JADE3: variants seen among roughly 807,000 people sequenced by gnomAD.
The protein encoded by JADE3 is protein Jade-3.
A neutral mutation model predicts 50.1 loss-of-function variants in JADE3; 2 were observed. The ratio of observed to expected loss-of-function variants is 0.04; its 90% confidence interval spans 0.02 to 0.13. JADE3 has a LOEUF of 0.13. Ranked by LOEUF, JADE3 falls within the 10% of genes least tolerant of loss-of-function variation. The pLI is 1.00. For missense variants in JADE3, 475 were observed against 634.4 expected, an observed-to-expected ratio of 0.75 and a Z score of 2.70; for synonymous variants, 218 against 232.9, an observed-to-expected ratio of 0.94 and a Z score of 0.58.
At chrX:46,966,624 A>T (rs1556349145) in intron 1 of JADE3, among the ~76,000 whole-genome samples, 4 of 112,092 alleles carry the variant, frequency 3.6e-5, no homozygotes. Context: ...GAGGGTTGGG[A>T]AGTATGCACA....
At chrX:46,968,773 A>G (rs1325234255) in intron 1 of JADE3, among the ~76,000 whole-genome samples, 2 of 111,061 alleles carry the variant, frequency 1.8e-5, no homozygotes, top group East Asian at 2.8e-4. Flanking sequence ...CAGAGCTTCA[A>G]AGAACACAAA....
intron 5 of JADE3, among the ~76,000 whole-genome samples, chrX:47,026,564 G>A (rs950062994): frequency 7.2e-5 from 8 of 111,426 alleles, no homozygotes; most frequent in Admixed American, 5.8e-4. Flanking sequence ...ATTTAGGCTT[G>A]TAAGAATTTT....
At chrX:46,913,463 G>T (rs7883705) in intron 1 of JADE3, among the ~76,000 whole-genome samples, 1,134 of 111,709 alleles carry the variant, frequency 0.01, 15 homozygotes, top group African/African-American at 0.035. Context: ...AGTCTTCCGG[G>T]GAAATTTTCC....
intron 3 of JADE3, among the ~76,000 whole-genome samples, chrX:46,996,053 T>C (rs900783635): frequency 3.6e-5 from 4 of 112,515 alleles, no homozygotes; most frequent in Non-Finnish European, 7.5e-5. Flanking sequence ...TCTCTTTTTT[T>C]TGAGGCAGAG....
At chrX:47,034,209 G>A (rs1000958599) in intron 7 of JADE3, among the ~76,000 whole-genome samples, 2 of 110,386 alleles carry the variant, frequency 1.8e-5, no homozygotes, top group Non-Finnish European at 3.8e-5. Flanking sequence ...TATTTTACAC[G>A]TTTGTATCTG....
At chrX:46,969,922 CAAAT>C (rs1262154439) in intron 1 of JADE3, among the ~76,000 whole-genome samples, 16 of 111,712 alleles carry the variant, frequency 1.4e-4, no homozygotes, top group African/African-American at 4.2e-4. Flanking sequence ...TGAAAGGCCT[CAAAT>C]GAATAATCTA....
intron 3 of JADE3, among the ~76,000 whole-genome samples, chrX:46,991,717 A>G (rs1928012013): frequency 1.8e-5 from 2 of 111,311 alleles, no homozygotes; most frequent in African/African-American, 6.6e-5. Flanking sequence ...TATTGCTGTA[A>G]CAGAGACTTC....
intron 3 of JADE3, among the ~76,000 whole-genome samples, chrX:46,995,064 C>G (rs1357890665): frequency 5.9e-5 from 6 of 101,851 alleles, no homozygotes; most frequent in African/African-American, 3.6e-5. Flanking sequence ...GAGTCTTGCT[C>G]TGTCGCCCAG....
intron 1 of JADE3, among the ~76,000 whole-genome samples, chrX:46,970,057 C>T (rs1033322943): frequency 8.9e-6 from 1 of 112,141 alleles, no homozygotes; most frequent in Non-Finnish European, 1.9e-5. Flanking sequence ...AGCAATCCAT[C>T]TAAAAACTGG....
chrX:46,965,453 T>C (rs190765972), intron 1 of JADE3, among the ~76,000 whole-genome samples: 2 of 111,613 alleles, frequency 1.8e-5, no homozygotes, highest in Non-Finnish European at 3.8e-5. Flanking sequence ...TAGGAACTCA[T>C]TCTCGGAGAT....
intron 1 of JADE3, among the ~76,000 whole-genome samples, chrX:46,946,361 G>A (rs1295177087): frequency 9.0e-6 from 1 of 111,400 alleles, no homozygotes; most frequent in Non-Finnish European, 1.9e-5. Context: ...GGGTGGGGGT[G>A]TGTTCTTACG....
Position 46,982,921 on chromosome X carries a change from C to T in JADE3, c.-11-1963C>T, listed in dbSNP as rs782326917. Among the ~76,000 whole-genome samples, 8 of 111,442 alleles carry T rather than the reference C, an allele frequency of 7.2e-5. No individual in the cohort carries two copies. The South Asian group carries it at 3.1e-3, about 43-fold the overall frequency. ...TCAGCTCACTGCAACCTCCACCTCC[C>T]GGGTTCAAGCAGTTCTCCTGACTCA... On this transcript the variant is annotated intron_variant, in intron 1 of 10. Coordinates refer to ENST00000614628, the MANE Select transcript of JADE3 (RefSeq NM_014735.5).
At chrX:47,027,009 A>G (rs1373305785) in intron 5 of JADE3, among the ~76,000 whole-genome samples, 4 of 112,301 alleles carry the variant, frequency 3.6e-5, no homozygotes, top group African/African-American at 1.3e-4. Context: ...ATAAGTAGCC[A>G]CACCTTAAAA....
intron 3 of JADE3, among the ~76,000 whole-genome samples, chrX:46,991,017 G>A (rs1316439989): frequency 1.2e-5 from 1 of 83,661 alleles, no homozygotes; most frequent in Non-Finnish European, 2.2e-5. Context: ...ACATGTATTA[G>A]TTCCTTCCTT....
chrX:47,005,995 C>A (rs1229506579), intron 4 of JADE3, among the ~76,000 whole-genome samples: 3 of 111,404 alleles, frequency 2.7e-5, no homozygotes, highest in Non-Finnish European at 5.7e-5. Context: ...TCTCATAATG[C>A]CCCAAATGTC....
intron 4 of JADE3, among the ~76,000 whole-genome samples, chrX:47,023,384 C>T (rs1004487645): frequency 1.1e-4 from 12 of 111,136 alleles, no homozygotes; most frequent in Admixed American, 1.1e-3. Context: ...TCTGTTCCTG[C>T]GTTAGTTTGC....
At chrX:47,007,707 A>G (rs1226141477) in intron 4 of JADE3, among the ~76,000 whole-genome samples, 1 of 110,728 alleles carries the variant, frequency 9.0e-6, no homozygotes, top group Non-Finnish European at 1.9e-5. Context: ...TTTGGATCAT[A>G]TTTTTAAATC....
At chrX:46,913,353 G>C (rs1460972765) in intron 1 of JADE3, among the ~76,000 whole-genome samples, 1 of 111,170 alleles carries the variant, frequency 9.0e-6, no homozygotes, top group Non-Finnish European at 1.9e-5. Context: ...CCGGCGGGCT[G>C]GCGAACTTTC....
At chrX:46,939,777 C>T (rs184751544) in intron 1 of JADE3, among the ~76,000 whole-genome samples, 74 of 112,190 alleles carry the variant, frequency 6.6e-4, no homozygotes, top group Non-Finnish European at 1.1e-3. Context: ...GTTAAGAGCA[C>T]GATTGGCACC....
Sources: gnomAD v4.1 joint callset for allele counts (sites outside exome capture counted in the v4.1 genomes callset) on GRCh38, gnomAD v4.1.1 for gene constraint, MANE v1.5 for transcripts, NCBI Gene and HGNC (gene_info 2026-07-23, HGNC 2026-07-21) for gene names.